The following PHF14 variants were observed in gnomAD, a reference collection of about 807,000 sequenced individuals.
PHF14 encodes PHD finger protein 14.
Under a neutral mutation model 117.9 loss-of-function variants are expected in PHF14, and 55 were observed. The ratio of observed to expected loss-of-function variants is 0.47; its 90% CI spans 0.38 to 0.58. PHF14 has a LOEUF of 0.58. Among genes scored for constraint, PHF14 ranks in the 20% least tolerant of loss-of-function variants. The pLI, the probability that PHF14 is intolerant of heterozygous loss-of-function variation, is 0.00. For missense variants in PHF14, 978 were observed against 1,122.2 expected (o/e 0.87, Z 1.84); for synonymous variants, 409 against 368.6 (o/e 1.11, Z -1.26).
chr7:11,042,930 CTG>C, intron 13 of PHF14, 116 bp downstream of exon 13: 1 of 696,316 alleles, frequency 1.4e-6, no homozygotes, highest in East Asian at 3.1e-5. Flanking sequence ...TTAAAATTGA[CTG>C]TCATCAATAT....
At chr7:11,034,539 ATTTTTTTTTTTTTTTT>A (rs56043099) in intron 7 of PHF14, among the ~76,000 whole-genome samples, 1 of 63,096 alleles carries the variant, frequency 1.6e-5, no homozygotes, top group African/African-American at 6.2e-5. Flanking sequence ...TCTTAATTCT[ATTTTTTTTTTTTTTTT>A]TTTTTTTTTT....
intron 6 of PHF14, among the ~76,000 whole-genome samples, chr7:11,025,342 T>G (rs1783870514): frequency 3.3e-5 from 5 of 152,138 alleles, no homozygotes; most frequent in Admixed American, 3.3e-4. Context: ...TTACATAAAC[T>G]TGATTGATTA....
At position 10,983,123 on chromosome 7, in the gene PHF14, T is replaced by C; in HGVS notation, c.864T>C (p.Asn288=). ...RNSADDEELT[N]DSLTLSQSKS... is the part of the protein sequence containing the mutation. ...GTGCTGATGATGAGGAACTGACCAA[T>C]GATAGCCTGACCCTATCTCAAAGCA... is the stretch of plus-strand genomic sequence containing the variant. The change falls in exon 3 of 18, where the codon AAT becomes AAC. Residue 288 remains asparagine (N), a synonymous_variant. Coordinates refer to ENST00000634607, the MANE Select transcript of PHF14 (RefSeq NM_001007157.2). The C allele has an allele frequency of 4.4e-6, 7 of 1,598,880 alleles. No individual in the cohort carries two copies. The highest frequency in any genetic ancestry group is 5.1e-6 in the Non-Finnish European group (6 of 1,179,330).
intron 16 of PHF14, chr7:11,107,529 G>C: frequency 1.1e-6 from 1 of 884,972 alleles, no homozygotes; most frequent in Non-Finnish European, 1.4e-6. Flanking sequence ...TAGTGTTAAT[G>C]TGTACAGTGT....
At chr7:11,124,830 A>T (rs1787871875) in intron 17 of PHF14, among the ~76,000 whole-genome samples, 1 of 152,092 alleles carries the variant, frequency 6.6e-6, no homozygotes, top group Admixed American at 6.6e-5. Context: ...ATCATGTAAA[A>T]CTCAGATAAT....
intron 2 of PHF14, among the ~76,000 whole-genome samples, chr7:10,975,853 C>T (rs1484473183): frequency 1.3e-5 from 2 of 152,184 alleles, no homozygotes; most frequent in African/African-American, 2.4e-5. Flanking sequence ...TCACATCTCT[C>T]CTTCTTCTGG....
At chr7:11,160,595 G>T (rs1436567872) in intron 17 of PHF14, among the ~76,000 whole-genome samples, 1 of 152,038 alleles carries the variant, frequency 6.6e-6, no homozygotes, top group Non-Finnish European at 1.5e-5. Flanking sequence ...CATTCTGACT[G>T]GTATTGAATG....
chr7:11,069,891 T>C lies in PHF14; in HGVS notation c.2654+7806T>C, dbSNP rs532834941. 5.9e-5 allele frequency among the ~76,000 whole-genome samples: 9 copies of C among 151,708 alleles called. No individual in the cohort carries two copies. The South Asian group carries it at 1.5e-3, about 25-fold the overall frequency. On this transcript the variant is annotated intron_variant, in intron 16 of 17. Coordinates refer to ENST00000634607, the MANE Select transcript of PHF14 (RefSeq NM_001007157.2). Reference sequence around the variant, plus strand: ...TTCTGGTAGAAGTATCACATTTTATTAGATAATACTGGCCTTCTGAATGGA... The same window carrying C: ...TTCTGGTAGAAGTATCACATTTTATCAGATAATACTGGCCTTCTGAATGGA...
At chr7:10,990,933 A>G (rs1359367924) in intron 4 of PHF14, 86 bp downstream of exon 4, 6 of 901,156 alleles carry the variant, frequency 6.7e-6, no homozygotes, top group Admixed American at 6.0e-5. Flanking sequence ...ACAATATTTC[A>G]TGGTGTTTCG....
At chr7:11,103,775 A>G (rs748752167) in intron 16 of PHF14, 30 of 985,208 alleles carry the variant, frequency 3.0e-5, no homozygotes, top group Non-Finnish European at 3.6e-5. Flanking sequence ...CTCTAGTTAC[A>G]GTGAGGAACG....
intron 6 of PHF14, 35 bp downstream of exon 6, chr7:11,023,014 GA>G: frequency 1.6e-6 from 2 of 1,218,754 alleles, no homozygotes; most frequent in Admixed American, 2.0e-5. Flanking sequence ...GCTTGAAAGA[GA>G]AAGGTTTTAC....
At chr7:11,043,581 T>C (rs1421828517) in intron 13 of PHF14, among the ~76,000 whole-genome samples, 2 of 152,118 alleles carry the variant, frequency 1.3e-5, no homozygotes, top group Non-Finnish European at 2.9e-5. Context: ...ATTAGGCATA[T>C]TTTTTGACCT....
chr7:11,072,416 T>C (rs115203542), intron 16 of PHF14, among the ~76,000 whole-genome samples: 1 of 152,190 alleles, frequency 6.6e-6, no homozygotes, highest in African/African-American at 2.4e-5. Flanking sequence ...ACATGAGATT[T>C]GAGTGGGACA....
intron 17 of PHF14, among the ~76,000 whole-genome samples, chr7:11,160,579 A>T (rs1788994154): frequency 1.3e-5 from 2 of 152,252 alleles, no homozygotes; most frequent in South Asian, 4.1e-4. Flanking sequence ...ACTTTTTAAT[A>T]ATAGCCATTC....
intron 17 of PHF14, among the ~76,000 whole-genome samples, chr7:11,164,020 G>A (rs942632673): frequency 1.3e-5 from 2 of 152,092 alleles, no homozygotes; most frequent in African/African-American, 4.8e-5. Context: ...AGATAATTCT[G>A]ACTATTAATT....
chr7:11,003,980 G>A (rs1244142214), intron 4 of PHF14, among the ~76,000 whole-genome samples: 1 of 152,102 alleles, frequency 6.6e-6, no homozygotes, highest in East Asian at 1.9e-4. Context: ...GGGCTTGGTG[G>A]CTCACGCTTG....
At chr7:11,134,278 G>T (rs1309036511) in intron 17 of PHF14, among the ~76,000 whole-genome samples, 1 of 151,724 alleles carries the variant, frequency 6.6e-6, no homozygotes, top group South Asian at 2.1e-4. Flanking sequence ...ACATTTTGCC[G>T]CTTTTAAAAG....
chr7:10,984,666 A>G (rs550019357), intron 3 of PHF14, among the ~76,000 whole-genome samples: 1 of 152,294 alleles, frequency 6.6e-6, no homozygotes, highest in East Asian at 1.9e-4. Flanking sequence ...TGTCGATTAG[A>G]TTTATGCTAA....
intron 16 of PHF14, among the ~76,000 whole-genome samples, chr7:11,068,755 C>G (rs1344507415): frequency 2.0e-5 from 3 of 152,064 alleles, no homozygotes; most frequent in Admixed American, 2.0e-4. Context: ...TTATAATAGG[C>G]TTTGTGTTGA....
Sources: gnomAD v4.1 joint callset for allele counts (sites outside exome capture counted in the v4.1 genomes callset) on GRCh38, gnomAD v4.1.1 for gene constraint, MANE v1.5 for transcripts, NCBI Gene and HGNC (gene_info 2026-07-23, HGNC 2026-07-21) for gene names.